PLEKHA7: variants seen among roughly 807,000 people sequenced by gnomAD.
PLEKHA7 encodes pleckstrin homology domain containing A7.
In PLEKHA7, 104 loss-of-function variants were observed where a neutral mutation model predicts 170.0. The ratio of observed to expected loss-of-function variants is 0.61; its 90% CI spans 0.52 to 0.72. The LOEUF is 0.72. Ranked by LOEUF, PLEKHA7 falls within the 30% of genes least tolerant of loss-of-function variation. The probability of loss-of-function intolerance (pLI) is 0.00; values close to 1 mark genes in which losing one functional copy is unlikely to be tolerated. For synonymous variants in PLEKHA7, 648 were observed against 660.8 expected (o/e 0.98, Z 0.30); for missense variants, 1,615 against 1,671.7 (o/e 0.97, Z 0.59).
chr11:16,782,631 G>T, intron 26 of PLEKHA7, 123 bp downstream of exon 26: 1 of 1,269,134 alleles, frequency 7.9e-7, no homozygotes, highest in South Asian at 1.4e-5. Context: ...ACACACCACT[G>T]ACCCTCAACT....
intron 3 of PLEKHA7, among the ~76,000 whole-genome samples, chr11:17,000,044 A>T (rs1329071951): frequency 6.6e-6 from 1 of 152,158 alleles, no homozygotes; most frequent in Non-Finnish European, 1.5e-5. Flanking sequence ...AGGGAGTATA[A>T]ATCAAATGTG....
In PLEKHA7 at chr11:16,831,326, CAACTT is replaced by C. The variant is rs146196233; in HGVS notation, c.873-4741_873-4737del. On this transcript the variant is annotated intron_variant, in intron 9 of 26. Transcript: ENST00000531066. ...TCTCCCTGTCTCCTTGCATTCCCAA[CAACTT>C]AACACATGACCTCTCAAATTTGTGA... Among the ~76,000 whole-genome samples the C allele has an allele frequency of 2.6e-3, 402 of 152,248 alleles. 2 individuals carry two copies. The highest frequency in any genetic ancestry group is 3.7e-3 in the African/African-American group (153 of 41,554).
chr11:16,809,979 G>T (rs1229204302), intron 13 of PLEKHA7, among the ~76,000 whole-genome samples: 2 of 127,182 alleles, frequency 1.6e-5, no homozygotes, highest in Admixed American at 1.6e-4. Flanking sequence ...ACTCCTCACT[G>T]CATGGAATAC....
intron 3 of PLEKHA7, among the ~76,000 whole-genome samples, chr11:16,942,591 A>G (rs1860765687): frequency 6.6e-6 from 1 of 152,200 alleles, no homozygotes; most frequent in Non-Finnish European, 1.5e-5. Context: ...AGTATCCCAA[A>G]CACCATCGGG....
intron 3 of PLEKHA7, among the ~76,000 whole-genome samples, chr11:17,004,367 G>A (rs556442636): frequency 4.6e-5 from 7 of 150,724 alleles, no homozygotes; most frequent in Non-Finnish European, 5.9e-5. Context: ...AGCTAATGCA[G>A]TATACACCTT....
chr11:16,865,232 C>T (rs1252515937), intron 4 of PLEKHA7, among the ~76,000 whole-genome samples: 4 of 152,326 alleles, frequency 2.6e-5, no homozygotes, highest in African/African-American at 9.6e-5. Context: ...ACTATTCTCC[C>T]CCTTTCTCTA....
intron 3 of PLEKHA7, among the ~76,000 whole-genome samples, chr11:16,930,339 G>C (rs1859841538): frequency 6.6e-6 from 1 of 152,154 alleles, no homozygotes; most frequent in South Asian, 2.1e-4. Flanking sequence ...CCAGCTACTT[G>C]GGAGGCTGAG....
chr11:16,813,434 C>G (rs1470738473), intron 12 of PLEKHA7: 1 of 380,780 alleles, frequency 2.6e-6, no homozygotes, highest in Non-Finnish European at 5.0e-6. Flanking sequence ...AGGATCCTAC[C>G]CCAGGGCTAG....
At chr11:16,886,842 C>G (rs1856145467) in intron 3 of PLEKHA7, among the ~76,000 whole-genome samples, 1 of 151,770 alleles carries the variant, frequency 6.6e-6, no homozygotes, top group Non-Finnish European at 1.5e-5. Flanking sequence ...TGAGAGCCAA[C>G]TAGATGCCAA....
In PLEKHA7 at chr11:16,783,764, G is replaced by T; in HGVS notation, c.3586C>A (p.Leu1196Ile). 1 of 1,515,504 alleles carries T rather than the reference G, an allele frequency of 6.6e-7. No homozygotes were observed. Among genetic ancestry groups the T allele is most frequent in the Non-Finnish European group, 8.8e-7 (1 of 1,137,124 alleles). 93.9% of individuals were successfully genotyped at this position (1,515,504 alleles called of 1,614,324 possible). Residue 1196 changes from leucine to isoleucine, a missense_variant, in exon 25 of 27, where the codon CTT becomes ATT. Physicochemically the swap from Leu to Ile is conservative, Grantham distance 5 (BLOSUM62 2). Coordinates refer to ENST00000531066, the MANE Select transcript of PLEKHA7 (RefSeq NM_001329630.2). ...CGGTACCGCGCCTGCAGCTCCTCAA[G>T]GCTGGGTGGCTCTTCGGGATCTAGC... ...VELDPEEPPS[L>I]EELQARYRKA...
At chr11:16,810,771 CT>C (rs1264615885) in intron 13 of PLEKHA7, among the ~76,000 whole-genome samples, 23 of 152,146 alleles carry the variant, frequency 1.5e-4, no homozygotes, top group Admixed American at 1.2e-3. Context: ...AACATAAGGC[CT>C]TTGGGTACAC....
At chr11:16,851,609 T>C (rs563093317) in intron 7 of PLEKHA7, among the ~76,000 whole-genome samples, 16 of 152,186 alleles carry the variant, frequency 1.1e-4, no homozygotes, top group African/African-American at 3.9e-4. Context: ...CCACCATGCC[T>C]GGCTAATTTT....
At chr11:16,799,370 AATAG>A (rs1848439732) in intron 17 of PLEKHA7, among the ~76,000 whole-genome samples, 1 of 152,214 alleles carries the variant, frequency 6.6e-6, no homozygotes, top group South Asian at 2.1e-4. Flanking sequence ...CAATGCCACC[AATAG>A]ATAGCACTGA....
intron 3 of PLEKHA7, among the ~76,000 whole-genome samples, chr11:16,902,650 A>C (rs1226839143): frequency 1.3e-5 from 2 of 152,312 alleles, no homozygotes; most frequent in East Asian, 3.9e-4. Flanking sequence ...TCTTTGGCCC[A>C]GCTTGTCTTT....
chr11:16,984,394 T>C (rs988296673), intron 3 of PLEKHA7, among the ~76,000 whole-genome samples: 2 of 152,138 alleles, frequency 1.3e-5, no homozygotes, highest in Admixed American at 6.5e-5. Context: ...AAGCCTTCCA[T>C]TGTTCAAAGC....
intron 7 of PLEKHA7, 40 bp from the exon 8 acceptor site, chr11:16,851,331 GT>G (rs1852935942): frequency 6.6e-7 from 1 of 1,509,242 alleles, no homozygotes. Context: ...CTTCTGGGCA[GT>G]TTCCCTGGGC....
intron 4 of PLEKHA7, among the ~76,000 whole-genome samples, chr11:16,865,877 G>A (rs562425951): frequency 5.9e-4 from 90 of 151,808 alleles, no homozygotes; most frequent in Admixed American, 1.2e-3. Flanking sequence ...TCACTCTGTC[G>A]CCCAGGCTGG....
At chr11:16,810,738 C>T (rs536372128) in intron 13 of PLEKHA7, among the ~76,000 whole-genome samples, 1 of 152,296 alleles carries the variant, frequency 6.6e-6, no homozygotes, top group Admixed American at 6.5e-5. Context: ...CTTGGCATAA[C>T]AATCCAAGCT....
intron 3 of PLEKHA7, among the ~76,000 whole-genome samples, chr11:16,990,552 A>G (rs1305113667): frequency 2.6e-5 from 4 of 152,154 alleles, no homozygotes; most frequent in African/African-American, 4.8e-5. Context: ...CCTTGTTCCC[A>G]TCGATTCAGA....
Sources: gnomAD v4.1 joint callset for allele counts (sites outside exome capture counted in the v4.1 genomes callset) on GRCh38, gnomAD v4.1.1 for gene constraint, MANE v1.5 for transcripts, NCBI Gene and HGNC (gene_info 2026-07-23, HGNC 2026-07-21) for gene names.